Variants in CFAP263 observed in about 807,000 individuals in gnomAD.
The protein encoded by CFAP263 is cilia and flagella associated protein 263, also known as cilia- and flagella-associated protein 263.
chr16:58,262,981 C>T, the CFAP263 span, among the ~76,000 whole-genome samples: 8 of 152,286 alleles, frequency 5.3e-5, no homozygotes, highest in Non-Finnish European at 1.0e-4. Flanking sequence ...TAAGCACTTT[C>T]CTGCTTAAAA....
chr16:58,255,392 T>C, the CFAP263 span, among the ~76,000 whole-genome samples: 3 of 151,660 alleles, frequency 2.0e-5, no homozygotes, highest in Admixed American at 2.0e-4. Context: ...GGGTGGATCT[T>C]CCCCCCGCCC....
the CFAP263 span, chr16:58,250,239 C>T: frequency 1.7e-6 from 1 of 580,564 alleles, no homozygotes; most frequent in Non-Finnish European, 3.0e-6. Context: ...GGAGACTTTT[C>T]CTCTTTACTC....
At chr16:58,278,209 C>T in the CFAP263 span, among the ~76,000 whole-genome samples, 4 of 150,944 alleles carry the variant, frequency 2.6e-5, no homozygotes, top group African/African-American at 9.7e-5. Flanking sequence ...ACAACATATT[C>T]CTTAATAAAG....
chr16:58,280,015 C>A, the CFAP263 span: 1 of 627,776 alleles, frequency 1.6e-6, no homozygotes, highest in South Asian at 2.1e-5. Flanking sequence ...CACTTGTTAG[C>A]CAGCATTTAG....
chr16:58,251,930 C>T, the CFAP263 span, among the ~76,000 whole-genome samples: 1 of 152,222 alleles, frequency 6.6e-6, no homozygotes, highest in Non-Finnish European at 1.5e-5. Flanking sequence ...GGTATGTTAT[C>T]TCTTCCTCTG....
At chr16:58,279,605 A>G in the CFAP263 span, 2 of 1,115,062 alleles carry the variant, frequency 1.8e-6, no homozygotes, top group Non-Finnish European at 2.5e-6. Flanking sequence ...CTGCATTCTC[A>G]GTAGCCACAA....
chr16:58,257,620 AT>A, the CFAP263 span, among the ~76,000 whole-genome samples: 2 of 141,692 alleles, frequency 1.4e-5, no homozygotes, highest in African/African-American at 5.2e-5. Context: ...TTTTTTTTCC[AT>A]TTTTCCCCCC....
the CFAP263 span, chr16:58,262,398 G>A: frequency 5.0e-6 from 8 of 1,611,158 alleles, no homozygotes; most frequent in South Asian, 1.1e-5. Flanking sequence ...GAAGAGGTGA[G>A]TGAGGCCCTT....
chr16:58,256,057 TC>T, the CFAP263 span, among the ~76,000 whole-genome samples: 1 of 152,186 alleles, frequency 6.6e-6, no homozygotes, highest in Non-Finnish European at 1.5e-5. Context: ...AGTAGATACT[TC>T]TGTTCTATTT....
the CFAP263 span, among the ~76,000 whole-genome samples, chr16:58,252,205 CA>C: frequency 0.039 from 5,965 of 151,816 alleles, 201 homozygotes; most frequent in Non-Finnish European, 0.069. Context: ...ACCACCTCTA[CA>C]AAAAAAATTA....
the CFAP263 span, chr16:58,279,747 G>A: frequency 1.9e-6 from 3 of 1,612,994 alleles, no homozygotes; most frequent in Non-Finnish European, 2.5e-6. Flanking sequence ...CCAATGAGCA[G>A]TTGCAGGCAG....
chr16:58,283,608 ATACT>A, the CFAP263 span: 1 of 152,296 alleles, frequency 6.6e-6, no homozygotes, highest in South Asian at 2.1e-4. Context: ...AGGAAGTATG[ATACT>A]TGTTTGACGG....
the CFAP263 span, among the ~76,000 whole-genome samples, chr16:58,276,896 G>C: frequency 1.7e-4 from 26 of 152,310 alleles, no homozygotes; most frequent in Admixed American, 1.7e-3. Flanking sequence ...ATGAATAAAA[G>C]TGAATAGAGT....
chr16:58,280,827 A>G, the CFAP263 span: 3 of 1,394,386 alleles, frequency 2.2e-6, no homozygotes, highest in Non-Finnish European at 1.9e-6. Context: ...TCCTTGTGCA[A>G]TATACTGTTT....
At chr16:58,272,017 A>G in the CFAP263 span, among the ~76,000 whole-genome samples, 1 of 142,566 alleles carries the variant, frequency 7.0e-6, no homozygotes, top group Admixed American at 7.0e-5. Flanking sequence ...CCACTCATAG[A>G]TTTTTTTTTT....
At chr16:58,267,565 A>T in the CFAP263 span, 4 of 1,611,402 alleles carry the variant, frequency 2.5e-6, no homozygotes, top group Non-Finnish European at 3.4e-6. Flanking sequence ...AAATTGAAAA[A>T]GAAACACTAC....
the CFAP263 span, chr16:58,259,833 A>G: frequency 6.9e-7 from 1 of 1,454,716 alleles, no homozygotes; most frequent in South Asian, 1.2e-5. Flanking sequence ...AAATGCATTA[A>G]AATATGCCTT....
chr16:58,282,373 A>T, the CFAP263 span: 1 of 152,172 alleles, frequency 6.6e-6, no homozygotes, highest in Non-Finnish European at 1.5e-5. Flanking sequence ...TCTAACTTCA[A>T]GTGATCTGCC....
the CFAP263 span, chr16:58,258,360 T>A: frequency 6.2e-7 from 1 of 1,613,306 alleles, no homozygotes; most frequent in Non-Finnish European, 8.5e-7. Context: ...TTGTGCTGAC[T>A]CCCCCAGGCG....
Sources: allele counts gnomAD v4.1 joint callset (sites outside exome capture counted in the v4.1 genomes callset), GRCh38; gene constraint gnomAD v4.1.1; transcripts MANE v1.5; gene names NCBI Gene and HGNC (gene_info 2026-07-23, HGNC 2026-07-21).